The following LAMA2 variants were observed in gnomAD, a reference collection of about 807,000 sequenced individuals.
The protein encoded by LAMA2 is laminin subunit alpha 2.
A neutral mutation model predicts 364.8 loss-of-function variants in LAMA2; 269 were observed. The ratio of observed to expected loss-of-function variants is 0.74; its 90% CI spans 0.67 to 0.82. LAMA2 has a LOEUF of 0.82. Among genes scored for constraint, LAMA2 ranks in the 40% least tolerant of loss-of-function variants. The pLI, the probability that LAMA2 is intolerant of heterozygous loss-of-function variation, is 0.00. For synonymous variants in LAMA2, 1,379 were observed against 1,370.6 expected, an observed-to-expected ratio of 1.01 and a Z score of -0.14; for missense variants, 3,807 against 3,873.2, an observed-to-expected ratio of 0.98 and a Z score of 0.45.
At chr6:129,500,381 G>A (rs1785536969) in intron 58 of LAMA2, among the ~76,000 whole-genome samples, 1 of 152,138 alleles carries the variant, frequency 6.6e-6, no homozygotes, top group African/African-American at 2.4e-5. Context: ...ACACCATAAT[G>A]GCTTTAAACT....
intron 1 of LAMA2, among the ~76,000 whole-genome samples, chr6:128,996,831 G>A (rs1471519741): frequency 6.6e-6 from 1 of 152,168 alleles, no homozygotes; most frequent in Non-Finnish European, 1.5e-5. Flanking sequence ...GCACACGTAT[G>A]TTTACTGCAG....
intron 58 of LAMA2, among the ~76,000 whole-genome samples, chr6:129,494,284 C>G (rs921136161): frequency 6.6e-5 from 10 of 152,348 alleles, no homozygotes; most frequent in Non-Finnish European, 1.5e-4. Flanking sequence ...GAGCAATGTG[C>G]TCCTTGCACT....
Position 129,473,327 on chromosome 6 carries a change from G to T in LAMA2, c.7414G>T (p.Gly2472Cys), listed in dbSNP as rs769245429. Residue 2472 changes from glycine (G) to cysteine (C), a missense_variant, in exon 52 of 65, where the codon GGC (glycine) becomes TGC (cysteine). Around this residue, in one of 3 missense-constraint regions of LAMA2, gnomAD observed 3,333 missense variants for 3,345.7 expected, o/e 1.00. Coordinates refer to ENST00000421865, the MANE Select transcript of LAMA2 (RefSeq NM_000426.4). ...AGCAGATGACAAAATATATTTTGGTGGCCTGCCAACGCTGAGAAACTTGAG... is the reference window on the plus strand; with the variant it reads ...AGCAGATGACAAAATATATTTTGGTTGCCTGCCAACGCTGAGAAACTTGAG... ...LKADDKIYFG[G>C]LPTLRNLSMK... 5.7e-5 allele frequency: 92 copies of T among 1,612,292 alleles called. No individual in the cohort carries two copies. The highest frequency in any genetic ancestry group is 7.5e-5 in the Non-Finnish European group (89 of 1,178,924).
At chr6:129,429,730 C>A (rs1242606401) in intron 41 of LAMA2, among the ~76,000 whole-genome samples, 4 of 152,156 alleles carry the variant, frequency 2.6e-5, no homozygotes, top group Non-Finnish European at 4.4e-5. Flanking sequence ...TACCCTTGCC[C>A]AGGGCTGGGA....
intron 1 of LAMA2, chr6:128,930,020 G>A (rs529151354): frequency 1.4e-4 from 67 of 490,668 alleles, no homozygotes; most frequent in Non-Finnish European, 2.1e-4. Context: ...CAGCCTCGGC[G>A]TTGCAGAGCA....
chr6:129,442,174 A>C, intron 43 of LAMA2: 1 of 1,308,758 alleles, frequency 7.6e-7, no homozygotes, highest in Non-Finnish European at 1.0e-6. Context: ...ATAAAATTCA[A>C]ATGCTGTTTG....
intron 53 of LAMA2, among the ~76,000 whole-genome samples, chr6:129,475,868 C>T (rs1414222360): frequency 6.6e-6 from 1 of 152,174 alleles, no homozygotes; most frequent in East Asian, 1.9e-4. Flanking sequence ...TTGCTTTTTG[C>T]AGGCCTGCAG....
At position 129,328,359 on chromosome 6, in the gene LAMA2, T is replaced by C. The variant is rs145592885; in HGVS notation, c.4258T>C (p.Cys1420Arg). ...ACCAACCCTGGGCACCTGTGTTCCA[T>C]GTCAATGTAATGGACACAGCAGCCT... ...PGPTLGTCVP[C>R]QCNGHSSLCD... Residue 1420 changes from cysteine to arginine, a missense_variant, in exon 29 of 65, where the codon TGT becomes CGT. Coordinates refer to ENST00000421865, the MANE Select transcript of LAMA2 (RefSeq NM_000426.4). 4.3e-6 allele frequency: 7 copies of C among 1,614,210 alleles called. No individual in the cohort carries two copies. The highest frequency in any genetic ancestry group is 5.9e-6 in the Non-Finnish European group (7 of 1,180,016).
intron 12 of LAMA2, among the ~76,000 whole-genome samples, chr6:129,230,514 T>A (rs1340185877): frequency 6.6e-6 from 1 of 152,100 alleles, no homozygotes; most frequent in African/African-American, 2.4e-5. Context: ...GTCTCTTCTA[T>A]TGGTCTGTAT....
chr6:129,347,688 T>C (rs2114580837), intron 30 of LAMA2, among the ~76,000 whole-genome samples: 1 of 152,262 alleles, frequency 6.6e-6, no homozygotes, highest in South Asian at 2.1e-4. Flanking sequence ...CAAGGATTTC[T>C]GAGTAGCCCT....
chr6:129,104,519 T>C (rs905056796), intron 4 of LAMA2, among the ~76,000 whole-genome samples: 3 of 152,220 alleles, frequency 2.0e-5, no homozygotes, highest in Non-Finnish European at 4.4e-5. Context: ...CCAAAATCTT[T>C]AGAACATTAG....
At chr6:129,326,228 T>TAG (rs1043184500) in intron 28 of LAMA2, among the ~76,000 whole-genome samples, 6 of 152,110 alleles carry the variant, frequency 3.9e-5, no homozygotes, top group African/African-American at 1.2e-4. Flanking sequence ...CTGTTAGACT[T>TAG]TTCTAAGAGT....
At chr6:128,973,864 A>G (rs1272004832) in intron 1 of LAMA2, among the ~76,000 whole-genome samples, 6 of 152,180 alleles carry the variant, frequency 3.9e-5, no homozygotes, top group African/African-American at 1.4e-4. Flanking sequence ...CTTAGCTACC[A>G]TGGGAGTGGA....
intron 1 of LAMA2, among the ~76,000 whole-genome samples, chr6:128,975,560 A>G (rs1782477958): frequency 6.6e-6 from 1 of 152,228 alleles, no homozygotes; most frequent in African/African-American, 2.4e-5. Flanking sequence ...GTCTCCACCC[A>G]GATCTCATCT....
intron 1 of LAMA2, among the ~76,000 whole-genome samples, chr6:128,973,045 G>C (rs989175538): frequency 1.3e-5 from 2 of 152,066 alleles, no homozygotes; most frequent in African/African-American, 2.4e-5. Context: ...ATTAGACAAC[G>C]TATTAATTTA....
Position 128,937,828 on chromosome 6 carries a change from C to T in LAMA2, c.112+54471C>T, listed in dbSNP as rs548484136. Among the ~76,000 whole-genome samples the T allele has an allele frequency of 1.3e-5, 2 of 150,708 alleles. 1 individual carries two copies. Among genetic ancestry groups the T allele is most frequent in the East Asian group, 3.9e-4 (2 of 5,134 alleles). On this transcript the variant is annotated intron_variant, in intron 1 of 64. Coordinates refer to ENST00000421865, the MANE Select transcript of LAMA2 (RefSeq NM_000426.4). ...TGTATTATTCCCTTCCCTTTTCTAT[C>T]TTTGTCTTAGTTTTTTTTTTCCTAT...
chr6:129,180,807 C>T (rs1780880493), intron 10 of LAMA2, among the ~76,000 whole-genome samples: 3 of 152,054 alleles, frequency 2.0e-5, no homozygotes. Flanking sequence ...TAAGCAAAAG[C>T]TCAAGCTAAA....
intron 49 of LAMA2, among the ~76,000 whole-genome samples, chr6:129,462,625 T>A (rs1783315120): frequency 6.6e-6 from 1 of 151,986 alleles, no homozygotes; most frequent in South Asian, 2.1e-4. Context: ...TCAGGATTGT[T>A]ATTGTTTTGT....
intron 40 of LAMA2, among the ~76,000 whole-genome samples, chr6:129,426,283 G>C (rs1405572945): frequency 6.6e-6 from 1 of 152,054 alleles, no homozygotes; most frequent in African/African-American, 2.4e-5. Context: ...TTTGTTTAGA[G>C]AATCTTCACA....
Sources: allele counts gnomAD v4.1 joint callset (sites outside exome capture counted in the v4.1 genomes callset), GRCh38; gene constraint gnomAD v4.1.1; regional missense constraint gnomAD v4.1.1; transcripts MANE v1.5; gene names NCBI Gene and HGNC (gene_info 2026-07-23, HGNC 2026-07-21).